The following DEPDC1B variants were observed in gnomAD, a reference collection of about 807,000 sequenced individuals.
The protein encoded by DEPDC1B is DEP domain-containing protein 1B.
A neutral mutation model predicts 66.5 loss-of-function variants in DEPDC1B; 51 were observed. That is an observed-to-expected ratio of 0.77 (90% CI 0.61 to 0.97). The LOEUF is 0.97. Ranked by LOEUF, DEPDC1B falls within the 50% of genes least tolerant of loss-of-function variation. The probability of loss-of-function intolerance (pLI) is 0.00; values close to 1 mark genes in which losing one functional copy is unlikely to be tolerated. For synonymous variants in DEPDC1B, 226 were observed against 223.6 expected (o/e 1.01, Z -0.10); for missense variants, 552 against 637.1 (o/e 0.87, Z 1.44).
chr5:60,664,034 C>T (rs1753779976), intron 2 of DEPDC1B, among the ~76,000 whole-genome samples: 1 of 152,212 alleles, frequency 6.6e-6, no homozygotes, highest in Non-Finnish European at 1.5e-5. Flanking sequence ...CCATTATACA[C>T]ACTAATTAAG....
intron 2 of DEPDC1B, among the ~76,000 whole-genome samples, chr5:60,673,037 A>G (rs1180792650): frequency 6.6e-6 from 1 of 152,168 alleles, no homozygotes; most frequent in African/African-American, 2.4e-5. Context: ...GATAAAAGGC[A>G]AATTCTTTCA....
chr5:60,691,625 GAA>G (rs1754547441), intron 1 of DEPDC1B, among the ~76,000 whole-genome samples: 1 of 149,308 alleles, frequency 6.7e-6, no homozygotes, highest in Admixed American at 6.7e-5. Context: ...AAATCAATAA[GAA>G]AAAGACATTC....
chr5:60,609,255 A>G (rs1315890336), intron 7 of DEPDC1B, among the ~76,000 whole-genome samples: 1 of 152,160 alleles, frequency 6.6e-6, no homozygotes, highest in Non-Finnish European at 1.5e-5. Context: ...AAACATCCCA[A>G]TAACTCAACC....
chr5:60,638,765 A>G lies in DEPDC1B; in HGVS notation c.883T>C (p.Phe295Leu), dbSNP rs146323592. 6 of 1,610,420 alleles carry G rather than the reference A, an allele frequency of 3.7e-6. No homozygotes were observed. The African/African-American group carries it at 5.4e-5, about 14-fold the overall frequency. The change falls in exon 7 of 11, where the codon TTT becomes CTT. Residue 295 changes from phenylalanine (F) to leucine (L), a missense_variant. By Grantham distance (22) the Phe-to-Leu change is conservative (BLOSUM62 0). Transcript: ENST00000265036. ...TCCAACTTACCCAGTACACTGACAAAAGCATCAAAAAGATGAAATGTAAGT... is the reference window on the plus strand; with the variant it reads ...TCCAACTTACCCAGTACACTGACAAGAGCATCAAAAAGATGAAATGTAAGT... ...PLLTFHLFDAFVSVLGLLQKE... is the reference protein window; with the variant it reads ...PLLTFHLFDALVSVLGLLQKE...
intron 7 of DEPDC1B, among the ~76,000 whole-genome samples, chr5:60,617,072 C>T (rs1442925644): frequency 6.6e-6 from 1 of 152,098 alleles, no homozygotes; most frequent in Non-Finnish European, 1.5e-5. Context: ...AAATCCTTTA[C>T]AGACAAGCAA....
intron 7 of DEPDC1B, among the ~76,000 whole-genome samples, chr5:60,615,056 C>G (rs912448542): frequency 6.6e-6 from 1 of 152,008 alleles, no homozygotes; most frequent in Admixed American, 6.6e-5. Flanking sequence ...AGAACAAAAC[C>G]ACCACTGCAG....
At chr5:60,664,991 G>A (rs989849747) in intron 2 of DEPDC1B, among the ~76,000 whole-genome samples, 1 of 152,066 alleles carries the variant, frequency 6.6e-6, no homozygotes. Context: ...TCATCAGAAA[G>A]GAAAGGGAAA....
chr5:60,637,785 A>C (rs927817497), intron 7 of DEPDC1B, among the ~76,000 whole-genome samples: 13 of 152,218 alleles, frequency 8.5e-5, no homozygotes, highest in African/African-American at 3.1e-4. Flanking sequence ...TACATGATTG[A>C]TAATTGTTGT....
At position 60,686,927 on chromosome 5, in the gene DEPDC1B, A is replaced by C. The variant is rs75885088; in HGVS notation, c.314+35T>G. 47,690 of 1,608,886 alleles carry C rather than the reference A, an allele frequency of 0.03. 901 individuals are homozygous for C. Among genetic ancestry groups the C allele is most frequent in the Non-Finnish European group, 0.034 (40,056 of 1,176,316 alleles). ...TGGACCAGATTCACTCATCTCCCCA[A>C]TTCCTCACCTTCCAGGTTTACATGT... On this transcript the variant is annotated intron_variant, in intron 2 of 10. Transcript: ENST00000265036.
Position 60,687,228 on chromosome 5 carries a change from C to G in DEPDC1B, c.49-1G>C. ...GAAAAAGCTCCACGGTCTCATTCCA[C>G]TAGGGGAAAGAAAGAGAATGGCATT... On this transcript the variant is annotated splice_acceptor_variant, in intron 1 of 10. Coordinates refer to ENST00000265036, the MANE Select transcript of DEPDC1B (RefSeq NM_018369.3). LOFTEE classifies it high-confidence loss of function. 1 of 1,599,390 alleles carries G rather than the reference C, an allele frequency of 6.3e-7. No homozygotes were observed. The highest frequency in any genetic ancestry group is 8.6e-7 in the Non-Finnish European group (1 of 1,168,766).
chr5:60,677,827 C>T (rs751123805), intron 2 of DEPDC1B, among the ~76,000 whole-genome samples: 19 of 152,064 alleles, frequency 1.2e-4, no homozygotes, highest in African/African-American at 1.9e-4. Context: ...CAACCCATGA[C>T]GATGAAATGA....
chr5:60,635,167 G>C (rs1460925469), intron 7 of DEPDC1B, among the ~76,000 whole-genome samples: 1 of 151,748 alleles, frequency 6.6e-6, no homozygotes, highest in Non-Finnish European at 1.5e-5. Context: ...CCTCTGTCTG[G>C]TCAAGCACAC....
intron 7 of DEPDC1B, among the ~76,000 whole-genome samples, chr5:60,621,756 A>G (rs1752708343): frequency 6.6e-6 from 1 of 152,166 alleles, no homozygotes; most frequent in Non-Finnish European, 1.5e-5. Context: ...ATTAAAGAAC[A>G]GTTTTTGGTT....
intron 2 of DEPDC1B, among the ~76,000 whole-genome samples, chr5:60,661,145 G>A (rs922691691): frequency 2.0e-5 from 3 of 152,180 alleles, no homozygotes; most frequent in African/African-American, 7.2e-5. Flanking sequence ...TAATGGGGCA[G>A]CTGGGTTATG....
At chr5:60,623,081 T>C (rs1752741767) in intron 7 of DEPDC1B, among the ~76,000 whole-genome samples, 1 of 152,200 alleles carries the variant, frequency 6.6e-6, no homozygotes, top group Admixed American at 6.5e-5. Context: ...GCAAGAATTT[T>C]TCTCCTATAC....
rs1554056864 is a variant in DEPDC1B at position 60,699,453 on chromosome 5, A to AAAAAAAAC, written c.48+592_48+593insGTTTTTTT. Reference sequence around the variant, plus strand: ...AAAGCTTTTCTCCCAGAAAAAAAAAAAAAAAAAAACAGGAACTCAGAGTCG... The same window carrying AAAAAAAAC: ...AAAGCTTTTCTCCCAGAAAAAAAAAAAAAAAAACAAAAAAAAACAGGAACTCAGAGTCG... On this transcript the variant is annotated intron_variant, in intron 1 of 10. Transcript: ENST00000265036. Among the ~76,000 whole-genome samples, 6 of 150,908 alleles carry AAAAAAAAC rather than the reference A, an allele frequency of 4.0e-5. 2 individuals are homozygous for AAAAAAAAC. Among genetic ancestry groups the AAAAAAAAC allele is most frequent in the Non-Finnish European group, 8.9e-5 (6 of 67,786 alleles).
At chr5:60,663,975 A>G (rs1422279576) in intron 2 of DEPDC1B, among the ~76,000 whole-genome samples, 4 of 152,222 alleles carry the variant, frequency 2.6e-5, no homozygotes, top group African/African-American at 9.7e-5. Context: ...TCCTTGGCAT[A>G]ACAGGCTTCT....
chr5:60,613,787 T>C (rs1584028337), intron 7 of DEPDC1B, among the ~76,000 whole-genome samples: 1 of 129,090 alleles, frequency 7.7e-6, no homozygotes. Flanking sequence ...TACATATGTA[T>C]TTGTGTGTGT....
intron 1 of DEPDC1B, among the ~76,000 whole-genome samples, chr5:60,688,629 C>T (rs1429161720): frequency 6.6e-6 from 1 of 152,166 alleles, no homozygotes. Flanking sequence ...GTGGATGTGG[C>T]TGTCAGAGCT....
Sources: gnomAD v4.1 joint callset for allele counts (sites outside exome capture counted in the v4.1 genomes callset) on GRCh38, gnomAD v4.1.1 for gene constraint, MANE v1.5 for transcripts, NCBI Gene and HGNC (gene_info 2026-07-23, HGNC 2026-07-21) for gene names.